Variants in PPP6R1 observed in about 807,000 individuals in gnomAD.
PPP6R1 encodes protein phosphatase 6 regulatory subunit 1.
In PPP6R1, 39 loss-of-function variants were observed where a neutral mutation model predicts 104.6. The observed-to-expected ratio is 0.37, with a 90% CI of 0.29 to 0.49. The LOEUF is 0.49. Ranked by LOEUF, PPP6R1 falls within the 20% of genes least tolerant of loss-of-function variation. The probability of loss-of-function intolerance (pLI) is 0.98; values close to 1 mark genes in which losing one functional copy is unlikely to be tolerated. For missense variants in PPP6R1, 1,181 were observed against 1,155.8 expected (o/e 1.02, Z -0.32); for synonymous variants, 549 against 479.0 (o/e 1.15, Z -1.91).
intron 15 of PPP6R1, 147 bp downstream of exon 15, chr19:55,239,258 G>T: frequency 1.4e-6 from 1 of 740,656 alleles, no homozygotes; most frequent in Non-Finnish European, 2.3e-6. Flanking sequence ...CACACACAAG[G>T]CCACGGCCAA....
chr19:55,243,833 T>G (rs2087482176), intron 5 of PPP6R1, among the ~76,000 whole-genome samples: 1 of 152,164 alleles, frequency 6.6e-6, no homozygotes, highest in Non-Finnish European at 1.5e-5. Flanking sequence ...TTCAATTTTT[T>G]GTAGCGACAA....
Position 55,236,632 on chromosome 19 carries a change from G to C in PPP6R1, c.1988+11C>G. 6.5e-7 allele frequency: 1 copy of C among 1,528,280 alleles called. No homozygotes were observed. Among genetic ancestry groups the C allele is most frequent in the Non-Finnish European group, 8.7e-7 (1 of 1,143,528 alleles). 94.7% of individuals were successfully genotyped at this position (1,528,280 alleles called of 1,614,324 possible). A position where few individuals can be genotyped will look rare whatever the true frequency, so the allele number is the denominator to read the frequency against. ...GGAAGCTTGGAGAAGGGAAACTGGA[G>C]GGGGACTCACCGGACACCAGGTGGC... On this transcript the variant is annotated intron_variant, in intron 17 of 23. Transcript: ENST00000412770.
intron 17 of PPP6R1, among the ~76,000 whole-genome samples, chr19:55,235,158 A>G (rs1315395421): frequency 6.6e-6 from 1 of 152,006 alleles, no homozygotes; most frequent in Non-Finnish European, 1.5e-5. Flanking sequence ...TCAAATCTAC[A>G]TGGCATGAAC....
At chr19:55,228,914 G>A (rs1004029766), downstream of PPP6R1, 58 of 646,580 alleles carry the variant, frequency 9.0e-5, no homozygotes, top group Non-Finnish European at 1.3e-4. Flanking sequence ...CCTGGCGCCC[G>A]CTGATAAAGC....
intron 5 of PPP6R1, among the ~76,000 whole-genome samples, chr19:55,243,591 G>A (rs1568948134): frequency 6.6e-6 from 1 of 151,560 alleles, no homozygotes; most frequent in African/African-American, 2.4e-5. Flanking sequence ...CTTGAGCCCA[G>A]GGGGGTCAAG....
At chr19:55,231,565 G>A (rs1167197100) in intron 20 of PPP6R1, 33 bp downstream of exon 20, 1 of 1,603,170 alleles carries the variant, frequency 6.2e-7, no homozygotes, top group Non-Finnish European at 8.5e-7. Flanking sequence ...CTCTGCCCAG[G>A]GCCGCGGGTG....
chr19:55,237,026 A>C (rs2087406288), intron 15 of PPP6R1, 56 bp from the exon 16 acceptor site: 17 of 1,503,030 alleles, frequency 1.1e-5, no homozygotes, highest in Non-Finnish European at 1.5e-5. Context: ...GGGGCAGCAC[A>C]GGACAGGCCA....
At chr19:55,253,435 C>T (rs77225303) in intron 1 of PPP6R1, among the ~76,000 whole-genome samples, 2,325 of 152,322 alleles carry the variant, frequency 0.015, 152 homozygotes, top group East Asian at 0.13. Flanking sequence ...CCATCTGCTT[C>T]GGGGAAAAGG....
At chr19:55,230,960 C>T in intron 21 of PPP6R1, 76 bp from the exon 22 acceptor site, 1 of 1,259,714 alleles carries the variant, frequency 7.9e-7, no homozygotes, top group Non-Finnish European at 1.1e-6. Flanking sequence ...TCCCACCCGA[C>T]TGAAGTCGGC....
At chr19:55,255,345 G>GA (rs1158537677) in intron 1 of PPP6R1, among the ~76,000 whole-genome samples, 10 of 152,172 alleles carry the variant, frequency 6.6e-5, no homozygotes, top group Non-Finnish European at 1.2e-4. Flanking sequence ...TAGCTCTTTG[G>GA]AAAAACAGAA....
chr19:55,231,541 G>A (rs1291318569), intron 20 of PPP6R1, 50 bp from the exon 21 acceptor site: 5 of 1,598,806 alleles, frequency 3.1e-6, no homozygotes, highest in African/African-American at 1.3e-5. Context: ...GCTCGGAGCT[G>A]GCCAGGCTGC....
chr19:55,245,024 C>G lies in PPP6R1; in HGVS notation c.618+96G>C. The G allele has an allele frequency of 6.6e-7, 1 of 1,517,472 alleles. No individual in the cohort carries two copies. Among genetic ancestry groups the G allele is most frequent in the Admixed American group, 1.9e-5 (1 of 51,398 alleles). The allele number at this position is 1,517,472 out of a possible 1,614,324, so 94.0% of individuals were successfully genotyped here. A position where few individuals can be genotyped will look rare whatever the true frequency, so the allele number is the denominator to read the frequency against. On this transcript the variant is annotated intron_variant, in intron 5 of 23. Transcript: ENST00000412770. The surrounding 1 kb of genome is among the most constrained non-coding windows in gnomAD (Gnocchi z 6.4). ...AAGTGCTGGAATTACAGGCGTGAGC[C>G]ACTGCGTCCAGCCCCAATTCCTCTT...
chr19:55,241,606 G>C lies in PPP6R1; in HGVS notation c.879C>G (p.Ser293Arg). The C allele has an allele frequency of 6.3e-7, 1 of 1,586,130 alleles. No individual in the cohort carries two copies. Among genetic ancestry groups the C allele is most frequent in the Non-Finnish European group, 8.6e-7 (1 of 1,167,418 alleles). The change falls in exon 8 of 24, where the codon AGC (serine) becomes AGG (arginine). Residue 293 changes from serine (S) to arginine (R), a missense_variant. By Grantham distance (110) the Ser-to-Arg change is moderately radical. This residue lies in a region of PPP6R1 where 1,042 missense variants were observed against 955.6 expected (regional missense o/e 1.09). Transcript: ENST00000412770. The surrounding 1 kb of genome is among the most constrained non-coding windows in gnomAD (Gnocchi z 5.4). ...SESVTVNSFF[S>R]SVDGQLELLA... ...GGAGCTCCAGCTGCCCATCCACACT[G>C]CTGAAGAAGCTGTTCACGGTCACGG...
intron 1 of PPP6R1, among the ~76,000 whole-genome samples, chr19:55,252,492 G>C (rs556077700): frequency 1.3e-5 from 2 of 151,086 alleles, no homozygotes; most frequent in East Asian, 3.9e-4. Flanking sequence ...TCCGCCTCCC[G>C]GTTTTAAGCA....
downstream of PPP6R1, chr19:55,228,773 T>A (rs754363153): frequency 6.2e-7 from 1 of 1,609,194 alleles, no homozygotes; most frequent in African/African-American, 1.3e-5. Context: ...CGACCTAATC[T>A]GGGAGCGAGT....
At chr19:55,228,726 C>A, downstream of PPP6R1, 1 of 1,613,316 alleles carries the variant, frequency 6.2e-7, no homozygotes, top group Non-Finnish European at 8.5e-7. Flanking sequence ...GTCTGCCCCG[C>A]TTTGCCAGCG....
intron 1 of PPP6R1, among the ~76,000 whole-genome samples, chr19:55,256,748 G>T (rs1273394899): frequency 1.3e-5 from 2 of 152,224 alleles, no homozygotes; most frequent in African/African-American, 4.8e-5. Context: ...AGCTACTTAG[G>T]AGGCTAAGGT....
chr19:55,246,751 C>G, intron 2 of PPP6R1, 126 bp downstream of exon 2: 1 of 957,654 alleles, frequency 1.0e-6, no homozygotes, highest in South Asian at 1.7e-5. Flanking sequence ...CTCCCAGCCT[C>G]GTCTTCCTCA....
At chr19:55,251,875 C>T (rs1206141465) in intron 1 of PPP6R1, among the ~76,000 whole-genome samples, 1 of 152,202 alleles carries the variant, frequency 6.6e-6, no homozygotes, top group Non-Finnish European at 1.5e-5. Flanking sequence ...CCAAATTTAT[C>T]ATGACTCTGC....
Sources: gnomAD v4.1 joint callset for allele counts (sites outside exome capture counted in the v4.1 genomes callset) on GRCh38, gnomAD v4.1.1 for gene constraint, gnomAD v4.1.1 regional missense constraint, Gnocchi (gnomAD v3.1) non-coding constraint, MANE v1.5 for transcripts, NCBI Gene and HGNC (gene_info 2026-07-23, HGNC 2026-07-21) for gene names.